The following CNTN4 variants were observed in gnomAD, a reference collection of about 807,000 sequenced individuals.
The protein encoded by CNTN4 is contactin-4.
CNTN4 carries 77 observed loss-of-function variants against 122.5 expected under a neutral mutation model. The observed-to-expected ratio is 0.63, with a 90% confidence interval of 0.52 to 0.76. CNTN4 has a LOEUF of 0.76. Ranked by LOEUF, CNTN4 falls within the 30% of genes least tolerant of loss-of-function variation. CNTN4 has a pLI of 0.00. For synonymous variants in CNTN4, 512 were observed against 447.0 expected, an observed-to-expected ratio of 1.15 and a Z score of -1.83; for missense variants, 1,256 against 1,259.1, an observed-to-expected ratio of 1.00 and a Z score of 0.04.
At chr3:2,829,539 A>G (rs970811768) in intron 7 of CNTN4, among the ~76,000 whole-genome samples, 3 of 152,232 alleles carry the variant, frequency 2.0e-5, no homozygotes, top group African/African-American at 4.8e-5. Context: ...TCTACCAGAT[A>G]TGACAAGAAG....
intron 4 of CNTN4, among the ~76,000 whole-genome samples, chr3:2,733,939 T>G (rs957192285): frequency 9.9e-5 from 15 of 152,160 alleles, no homozygotes; most frequent in African/African-American, 2.9e-4. Context: ...ATAAATGGAG[T>G]AAGGAGAGAC....
chr3:2,598,956 T>C lies in CNTN4; in HGVS notation c.55+27398T>C, dbSNP rs2080900553. On this transcript the variant is annotated intron_variant, in intron 4 of 24. Transcript: ENST00000418658. ...TTGTTATTTTTTACTTTTTTAAAAA[T>C]AATTTCTGATCTAAGGAAAATAAGC... is the stretch of plus-strand genomic sequence containing the variant. Among the ~76,000 whole-genome samples, 3 of 152,216 alleles carry C rather than the reference T, an allele frequency of 2.0e-5. No individual in the cohort carries two copies. In the South Asian group the frequency reaches 6.2e-4, roughly 31 times the overall value.
At chr3:2,188,355 C>T (rs762369855) in intron 2 of CNTN4, among the ~76,000 whole-genome samples, 4 of 152,074 alleles carry the variant, frequency 2.6e-5, no homozygotes, top group Admixed American at 6.6e-5. Flanking sequence ...TGTTGAAGGC[C>T]GTGTCCAAGT....
intron 2 of CNTN4, among the ~76,000 whole-genome samples, chr3:2,302,046 A>C (rs1442688699): frequency 6.6e-6 from 1 of 152,228 alleles, no homozygotes. Context: ...CTAAATTGGA[A>C]CTGATCTTAA....
intron 2 of CNTN4, among the ~76,000 whole-genome samples, chr3:2,334,351 G>T (rs533560043): frequency 6.6e-6 from 1 of 152,252 alleles, no homozygotes; most frequent in Non-Finnish European, 1.5e-5. Context: ...TAGAGATGGG[G>T]TTTCATCATG....
At chr3:2,301,265 T>C (rs1374218742) in intron 2 of CNTN4, among the ~76,000 whole-genome samples, 1 of 152,212 alleles carries the variant, frequency 6.6e-6, no homozygotes, top group African/African-American at 2.4e-5. Context: ...CAAAAATCCA[T>C]ATTAATTTAT....
At chr3:2,467,133 GTT>G (rs368919706) in intron 3 of CNTN4, among the ~76,000 whole-genome samples, 9 of 131,412 alleles carry the variant, frequency 6.8e-5, no homozygotes, top group African/African-American at 1.7e-4. Flanking sequence ...AAAATTATGG[GTT>G]TTTTTTTTTT....
intron 4 of CNTN4, among the ~76,000 whole-genome samples, chr3:2,655,237 G>C (rs1235304452): frequency 6.6e-6 from 1 of 152,170 alleles, no homozygotes; most frequent in African/African-American, 2.4e-5. Flanking sequence ...TCTGAAGAAA[G>C]TTCAGGAATG....
At chr3:2,688,723 A>T (rs565579680) in intron 4 of CNTN4, among the ~76,000 whole-genome samples, 1 of 152,170 alleles carries the variant, frequency 6.6e-6, no homozygotes, top group Non-Finnish European at 1.5e-5. Context: ...TTTTTCAGAG[A>T]ATGCCCATTT....
chr3:2,972,021 C>T (rs913599123), intron 13 of CNTN4, among the ~76,000 whole-genome samples: 2 of 152,006 alleles, frequency 1.3e-5, no homozygotes, highest in African/African-American at 2.4e-5. Context: ...AAAAATCCAG[C>T]CTCCTATTTT....
intron 2 of CNTN4, among the ~76,000 whole-genome samples, chr3:2,230,645 C>A (rs1255445723): frequency 6.6e-6 from 1 of 152,068 alleles, no homozygotes; most frequent in Admixed American, 6.6e-5. Flanking sequence ...TGTCATATAC[C>A]TGTGTCATGA....
intron 7 of CNTN4, among the ~76,000 whole-genome samples, chr3:2,850,676 G>C (rs558121017): frequency 5.3e-5 from 8 of 152,160 alleles, no homozygotes; most frequent in Non-Finnish European, 1.0e-4. Flanking sequence ...GGAGAAAACA[G>C]AGTTTCTCAA....
intron 6 of CNTN4, among the ~76,000 whole-genome samples, chr3:2,807,499 A>T (rs532435621): frequency 3.3e-5 from 5 of 152,066 alleles, no homozygotes; most frequent in African/African-American, 7.2e-5. Context: ...GCCCTTAAAA[A>T]TTTTTAACTG....
At chr3:2,169,495 C>T (rs2036351945) in intron 2 of CNTN4, among the ~76,000 whole-genome samples, 1 of 151,834 alleles carries the variant, frequency 6.6e-6, no homozygotes, top group Non-Finnish European at 1.5e-5. Flanking sequence ...CAAGCTCCGC[C>T]TCCCGGGTTC....
intron 2 of CNTN4, among the ~76,000 whole-genome samples, chr3:2,241,166 T>C (rs963427897): frequency 5.9e-5 from 9 of 152,268 alleles, no homozygotes; most frequent in East Asian, 1.9e-4. Flanking sequence ...TTGTTACTTA[T>C]TGAGATGATA....
At chr3:3,038,811 C>T in intron 18 of CNTN4, 122 bp from the exon 19 acceptor site, 1 of 740,452 alleles carries the variant, frequency 1.4e-6, no homozygotes, top group Non-Finnish European at 2.4e-6. Context: ...TGCTGATCTC[C>T]AGAGACAAAG....
Position 3,030,883 on chromosome 3 carries a change from G to A in CNTN4, c.1691G>A (p.Arg564Gln), listed in dbSNP as rs371446480. The part of the protein sequence containing the change: ...GQDSAGDLMI[R>Q]NIQLKHAGKY... Reference sequence around the variant, plus strand: ...GATTCAGCTGGTGATTTGATGATCCGAAACATCCAACTGAAGCATGCTGGG... The same window carrying A: ...GATTCAGCTGGTGATTTGATGATCCAAAACATCCAACTGAAGCATGCTGGG... The change falls in exon 16 of 25, where the codon CGA becomes CAA. Residue 564 changes from arginine to glutamine, a missense_variant. Coordinates refer to ENST00000418658, the MANE Select transcript of CNTN4 (RefSeq NM_175607.3). The A allele has an allele frequency of 8.1e-5, 130 of 1,614,018 alleles. No homozygotes were observed. Among genetic ancestry groups the A allele is most frequent in the Non-Finnish European group, 1.0e-4 (121 of 1,179,918 alleles).
chr3:2,138,377 C>G (rs752613900), intron 2 of CNTN4, among the ~76,000 whole-genome samples: 1 of 151,572 alleles, frequency 6.6e-6, no homozygotes, highest in Non-Finnish European at 1.5e-5. Context: ...CCCAGTATGT[C>G]TTCTTATAGT....
At chr3:2,558,805 T>C (rs2078827270) in intron 3 of CNTN4, among the ~76,000 whole-genome samples, 1 of 152,230 alleles carries the variant, frequency 6.6e-6, no homozygotes, top group East Asian at 1.9e-4. Flanking sequence ...TAAGAATTAA[T>C]GTGCTGTCCT....
Sources: allele counts gnomAD v4.1 joint callset (sites outside exome capture counted in the v4.1 genomes callset), GRCh38; gene constraint gnomAD v4.1.1; transcripts MANE v1.5; gene names NCBI Gene and HGNC (gene_info 2026-07-23, HGNC 2026-07-21).